Variants in HSD17B3 observed in about 807,000 individuals in gnomAD.
HSD17B3 encodes 17-beta-hydroxysteroid dehydrogenase type 3.
HSD17B3 carries 29 observed loss-of-function variants against 41.1 expected under a neutral mutation model. That is an observed-to-expected ratio of 0.71 (90% confidence interval 0.53 to 0.96). HSD17B3 has a LOEUF of 0.96. HSD17B3 is among the 40% of genes least tolerant of loss of function. The pLI is 0.00. For synonymous variants in HSD17B3, 126 were observed against 145.6 expected, an observed-to-expected ratio of 0.87 and a Z score of 0.97; for missense variants, 323 against 374.6, an observed-to-expected ratio of 0.86 and a Z score of 1.14.
intron 6 of HSD17B3, among the ~76,000 whole-genome samples, chr9:96,248,907 A>ACT (rs1836780572): frequency 7.0e-6 from 1 of 142,246 alleles, no homozygotes; most frequent in African/African-American, 2.6e-5. Context: ...ATCCACAGCC[A>ACT]TTTTTTTTTT....
At chr9:96,300,252 A>ACACG (rs1827540252) in intron 1 of HSD17B3, among the ~76,000 whole-genome samples, 1 of 150,268 alleles carries the variant, frequency 6.7e-6, no homozygotes, top group Non-Finnish European at 1.5e-5. Context: ...ACACACACAC[A>ACACG]CGCACACAGC....
chr9:96,240,793 C>A lies in HSD17B3; in HGVS notation c.787G>T (p.Gly263Cys). The A allele has an allele frequency of 6.2e-7, 1 of 1,614,212 alleles. No individual in the cohort carries two copies. The highest frequency in any genetic ancestry group is 1.1e-5 in the South Asian group (1 of 91,084). Residue 263 changes from glycine to cysteine, a missense_variant, in exon 10 of 11, where the codon GGT (glycine) becomes TGT (cysteine). By Grantham distance (159) the Gly-to-Cys change is radical. Coordinates refer to ENST00000375263, the MANE Select transcript of HSD17B3 (RefSeq NM_000197.2). Reference sequence around the variant, plus strand: ...TGGGCAAGGCAGCCACAGGTTTCACCTCCAATTGTGACATAATTCAATGAC... The same window carrying A: ...TGGGCAAGGCAGCCACAGGTTTCACATCCAATTGTGACATAATTCAATGAC... ...KESLNYVTIG[G>C]ETCGCLAHEI...
chr9:96,292,662 G>T (rs1452242739), intron 2 of HSD17B3, among the ~76,000 whole-genome samples: 1 of 152,156 alleles, frequency 6.6e-6, no homozygotes, highest in South Asian at 2.1e-4. Flanking sequence ...TTTGTGAAAA[G>T]ATGTAAACCT....
intron 2 of HSD17B3, among the ~76,000 whole-genome samples, chr9:96,272,405 CTATATATATATATA>C (rs1199705437): frequency 6.0e-4 from 13 of 21,540 alleles, no homozygotes; most frequent in Non-Finnish European, 7.0e-4. Context: ...CTCTCTCTCT[CTATATATATATATA>C]TATATATATA....
intron 4 of HSD17B3, 119 bp from the exon 5 acceptor site, chr9:96,251,604 G>C: frequency 1.1e-6 from 1 of 897,698 alleles, no homozygotes; most frequent in Non-Finnish European, 1.8e-6. Flanking sequence ...TTTGGTAACG[G>C]TGAGGAAACT....
At chr9:96,277,337 A>G (rs539717156) in intron 2 of HSD17B3, among the ~76,000 whole-genome samples, 1 of 152,252 alleles carries the variant, frequency 6.6e-6, no homozygotes, top group Non-Finnish European at 1.5e-5. Flanking sequence ...ATTGATATTC[A>G]AACTATATAA....
chr9:96,250,545 T>A, intron 5 of HSD17B3: 1 of 905,242 alleles, frequency 1.1e-6, no homozygotes, highest in Non-Finnish European at 1.3e-6. Context: ...CCCTAATGAC[T>A]CCAAAGGTCA....
intron 2 of HSD17B3, among the ~76,000 whole-genome samples, chr9:96,276,687 A>C (rs1055350601): frequency 1.3e-5 from 2 of 152,212 alleles, no homozygotes; most frequent in Non-Finnish European, 2.9e-5. Flanking sequence ...TGGTGTTGGG[A>C]AAACTAGATA....
At chr9:96,292,225 T>C (rs535028238) in intron 2 of HSD17B3, among the ~76,000 whole-genome samples, 124 of 151,438 alleles carry the variant, frequency 8.2e-4, no homozygotes, top group Non-Finnish European at 9.1e-4. Context: ...ACTGAAAAAA[T>C]TGAACAGAAT....
chr9:96,242,471 A>G (rs538791928), intron 9 of HSD17B3, among the ~76,000 whole-genome samples: 1 of 152,342 alleles, frequency 6.6e-6, no homozygotes, highest in South Asian at 2.1e-4. Flanking sequence ...AAACAAGCTG[A>G]CCAGGATCAC....
chr9:96,269,079 A>T (rs1206383012), intron 2 of HSD17B3, among the ~76,000 whole-genome samples: 1 of 152,190 alleles, frequency 6.6e-6, no homozygotes. Flanking sequence ...ACTTACACAC[A>T]CCTAGAGGGT....
intron 2 of HSD17B3, among the ~76,000 whole-genome samples, chr9:96,294,171 T>C (rs768691809): frequency 3.9e-5 from 6 of 151,960 alleles, no homozygotes; most frequent in Non-Finnish European, 5.9e-5. Flanking sequence ...TCGCAGCACT[T>C]TGGGAGGCCA....
intron 10 of HSD17B3, among the ~76,000 whole-genome samples, chr9:96,238,569 G>A (rs891348872): frequency 6.6e-6 from 1 of 152,148 alleles, no homozygotes; most frequent in East Asian, 1.9e-4. Context: ...GGCTGAGGCA[G>A]GAGAATCGCT....
chr9:96,239,642 A>G (rs1011442078), intron 10 of HSD17B3: 21 of 152,242 alleles, frequency 1.4e-4, no homozygotes, highest in African/African-American at 5.1e-4. Context: ...TCCTTCTACC[A>G]TCCATGAAAG....
intron 2 of HSD17B3, among the ~76,000 whole-genome samples, chr9:96,275,413 C>G (rs1480110215): frequency 6.6e-6 from 1 of 151,854 alleles, no homozygotes; most frequent in Non-Finnish European, 1.5e-5. Context: ...TTAACAGATA[C>G]CCGGTATAAA....
chr9:96,244,864 G>A (rs1172195872), intron 8 of HSD17B3, among the ~76,000 whole-genome samples: 2 of 152,102 alleles, frequency 1.3e-5, no homozygotes, highest in African/African-American at 4.8e-5. Flanking sequence ...TTGCCTTGAT[G>A]GGAGTTAGCA....
At chr9:96,265,167 G>A (rs962106235) in intron 2 of HSD17B3, among the ~76,000 whole-genome samples, 3 of 152,326 alleles carry the variant, frequency 2.0e-5, no homozygotes, top group Non-Finnish European at 1.5e-5. Flanking sequence ...AAACAGAGGA[G>A]TTGTTGGGAC....
At chr9:96,256,638 T>C (rs1825672536) in intron 2 of HSD17B3, among the ~76,000 whole-genome samples, 1 of 152,044 alleles carries the variant, frequency 6.6e-6, no homozygotes, top group African/African-American at 2.4e-5. Flanking sequence ...GCCACTGTAC[T>C]CCAGCCTGGG....
intron 2 of HSD17B3, 42 bp from the exon 3 acceptor site, chr9:96,254,985 C>A: frequency 6.5e-7 from 1 of 1,549,266 alleles, no homozygotes; most frequent in Non-Finnish European, 8.9e-7. Context: ...GGATGATGAG[C>A]AGACAGGGAG....
Sources: allele counts gnomAD v4.1 joint callset (sites outside exome capture counted in the v4.1 genomes callset), GRCh38; gene constraint gnomAD v4.1.1; transcripts MANE v1.5; gene names NCBI Gene and HGNC (gene_info 2026-07-23, HGNC 2026-07-21).